Variants in MSH3 observed in about 807,000 individuals in gnomAD.
MSH3 encodes the protein DNA mismatch repair protein Msh3.
Under a neutral mutation model 123.3 loss-of-function variants are expected in MSH3, and 106 were observed. The observed-to-expected ratio is 0.86, with a 90% confidence interval of 0.73 to 1.01. The LOEUF (loss-of-function observed/expected upper bound fraction) is 1.01. Among genes scored for constraint, MSH3 ranks in the 50% least tolerant of loss-of-function variants. The probability of loss-of-function intolerance (pLI) is 0.00; values close to 1 mark genes in which losing one functional copy is unlikely to be tolerated. For missense variants in MSH3, 1,459 were observed against 1,347.6 expected (o/e 1.08, Z -1.29); for synonymous variants, 515 against 481.4 (o/e 1.07, Z -0.91).
intron 8 of MSH3, among the ~76,000 whole-genome samples, chr5:80,718,650 T>TG (rs1751012902): frequency 7.0e-6 from 1 of 143,642 alleles, no homozygotes. Flanking sequence ...AAAATTCAGG[T>TG]TTTTTTTTTT....
rs57338891 is a variant in MSH3, at chr5:80,723,094, A to AAAATAAATAAATAAAT, written c.1341-2335_1341-2320dup. Among the ~76,000 whole-genome samples the AAAATAAATAAATAAAT allele has an allele frequency of 5.9e-3, 846 of 144,482 alleles. 5 individuals are homozygous for AAAATAAATAAATAAAT. The highest frequency in any genetic ancestry group is 0.014 in the Middle Eastern group (4 of 284). The allele number at this position is 144,482 out of a possible 152,430, so 94.8% of individuals were successfully genotyped here. ...AGGCGACGGAGTGAAACTCTGTCTAAAAATAAATAAATAAATAAATAAATA... is the reference window on the plus strand; with the variant it reads ...AGGCGACGGAGTGAAACTCTGTCTAAAAATAAATAAATAAATAAATAAATAAATAAATAAATAAATA... On this transcript the variant is annotated intron_variant, in intron 8 of 23. Transcript: ENST00000265081.
At chr5:80,696,219 A>G (rs1275488171) in intron 8 of MSH3, among the ~76,000 whole-genome samples, 2 of 152,082 alleles carry the variant, frequency 1.3e-5, no homozygotes, top group African/African-American at 4.8e-5. Context: ...GCCTGATACC[A>G]TGGGGGTTAA....
chr5:80,725,337 G>A (rs1011099253), intron 8 of MSH3, 116 bp from the exon 9 acceptor site: 1 of 700,352 alleles, frequency 1.4e-6, no homozygotes, highest in South Asian at 1.7e-5. Context: ...TTCAACTTGG[G>A]AAAGAATAAG....
At chr5:80,856,884 C>T (rs1745929407) in intron 21 of MSH3, among the ~76,000 whole-genome samples, 1 of 41,556 alleles carries the variant, frequency 2.4e-5, no homozygotes, top group Non-Finnish European at 4.6e-5. Context: ...CTTTCTTCCC[C>T]ATCTATTTTT....
chr5:80,756,509 C>T lies in MSH3; in HGVS notation c.1764-5037C>T, dbSNP rs557879314. On this transcript the variant is annotated intron_variant, in intron 12 of 23. Coordinates refer to ENST00000265081, the MANE Select transcript of MSH3 (RefSeq NM_002439.5). ...TCAAACCTTCACCCTCCATTTTCCA[C>T]TAATCTTTTATAGACAATAGCTAAT... Among the ~76,000 whole-genome samples, 16 of 152,232 alleles carry T rather than the reference C, an allele frequency of 1.1e-4. 1 individual carries two copies. In the South Asian group the frequency reaches 3.3e-3, roughly 32 times the overall value.
At chr5:80,784,362 A>G (rs769122480) in intron 17 of MSH3, among the ~76,000 whole-genome samples, 10 of 152,128 alleles carry the variant, frequency 6.6e-5, no homozygotes, top group Admixed American at 2.0e-4. Context: ...AGTTAGGTCA[A>G]TGCAACATGT....
intron 9 of MSH3, 99 bp downstream of exon 9, chr5:80,725,664 A>G: frequency 1.2e-6 from 1 of 827,854 alleles, no homozygotes; most frequent in Non-Finnish European, 2.1e-6. Flanking sequence ...GGTAGTTATT[A>G]TAAATATGTG....
intron 18 of MSH3, among the ~76,000 whole-genome samples, chr5:80,791,995 AATG>A (rs1310540194): frequency 3.9e-5 from 6 of 152,152 alleles, no homozygotes; most frequent in African/African-American, 1.2e-4. Context: ...AAGGTCAAAA[AATG>A]ATTCTTGTAT....
At chr5:80,692,525 TAGATAAACATGTATATGTTTATATAGAG>T (rs1356004333) in intron 8 of MSH3, among the ~76,000 whole-genome samples, 24,674 of 100,008 alleles carry the variant, frequency 0.25, 3,639 homozygotes, top group Non-Finnish European at 0.27. Context: ...TATGTTTAGA[TAGATAAACATGTATATGTTTATATAGAG>T]AGATAAACAT....
chr5:80,861,024 G>C (rs568703416), intron 21 of MSH3, among the ~76,000 whole-genome samples: 3 of 151,992 alleles, frequency 2.0e-5, no homozygotes, highest in Non-Finnish European at 4.4e-5. Context: ...TTTTTTCTTA[G>C]AATATGCATC....
Position 80,769,003 on chromosome 5 carries a change from G to C in MSH3, c.2253G>C (p.Glu751Asp), listed in dbSNP as rs527397856. The C allele has an allele frequency of 1.2e-6, 2 of 1,611,662 alleles. No individual in the cohort carries two copies. Among genetic ancestry groups the C allele is most frequent in the South Asian group, 2.2e-5 (2 of 90,792 alleles). ...SAQYVTVSGQ[E>D]FMIEIKNSAV... The stretch of plus-strand genomic sequence containing the variant: ...AATATGTGACAGTATCAGGACAGGA[G>C]GTAATGTCAAGCTTACTTTTATTTT... Residue 751 changes from glutamate (E) to aspartate (D), a missense_variant and splice_region_variant, in exon 15 of 24, where the codon GAG (glutamate) becomes GAC (aspartate). Physicochemically the swap from Glu to Asp is conservative, Grantham distance 45. Transcript: ENST00000265081.
intron 20 of MSH3, among the ~76,000 whole-genome samples, chr5:80,817,036 G>A (rs1422550412): frequency 6.6e-6 from 1 of 152,124 alleles, no homozygotes; most frequent in African/African-American, 2.4e-5. Context: ...GATTGGGTGT[G>A]GATGAGATCA....
intron 20 of MSH3, among the ~76,000 whole-genome samples, chr5:80,828,323 C>CTTAATCCATTAATCCCCAAATGGA (rs1435141929): frequency 1.3e-5 from 2 of 152,116 alleles, no homozygotes; most frequent in East Asian, 3.9e-4. Flanking sequence ...TTCATTACCC[C>CTTAATCCATTAATCCCCAAATGGA]TTAATCCATT....
intron 9 of MSH3, among the ~76,000 whole-genome samples, chr5:80,727,609 T>C (rs1007570150): frequency 2.6e-5 from 4 of 152,218 alleles, no homozygotes; most frequent in Non-Finnish European, 5.9e-5. Flanking sequence ...CATACACATA[T>C]AGTTCTCTGT....
At position 80,753,672 on chromosome 5, in the gene MSH3, A is replaced by C. The variant is rs1156228984; in HGVS notation, c.1764-7874A>C. ...AAGTCTAATGGCTCTAATGTTGTGA[A>C]AGTTAATTTCTTCTTTTTTTTTCTT... On this transcript the variant is annotated intron_variant, in intron 12 of 23. Transcript: ENST00000265081. Among the ~76,000 whole-genome samples the C allele has an allele frequency of 2.0e-5, 3 of 152,154 alleles. No homozygotes were observed. In the East Asian group the frequency reaches 5.8e-4, roughly 29 times the overall value.
At chr5:80,672,423 G>A (rs1340061627) in intron 5 of MSH3, 63 bp downstream of exon 5, 10 of 1,264,196 alleles carry the variant, frequency 7.9e-6, no homozygotes, top group African/African-American at 2.9e-5. Context: ...GAGTGCAAAC[G>A]TGTTTTGTAA....
chr5:80,684,648 A>G (rs774134640), intron 8 of MSH3, among the ~76,000 whole-genome samples: 23 of 152,204 alleles, frequency 1.5e-4, no homozygotes, highest in Non-Finnish European at 3.1e-4. Context: ...CTCCTTTCCA[A>G]TTTGGATGCC....
chr5:80,784,642 G>A (rs555520345), intron 17 of MSH3, among the ~76,000 whole-genome samples: 1 of 152,140 alleles, frequency 6.6e-6, no homozygotes, highest in African/African-American at 2.4e-5. Context: ...CAAATAGTAG[G>A]TCTTATTCAT....
intron 19 of MSH3, among the ~76,000 whole-genome samples, chr5:80,796,293 A>AT (rs1319260238): frequency 6.6e-6 from 1 of 152,120 alleles, no homozygotes; most frequent in African/African-American, 2.4e-5. Flanking sequence ...CCTTCTGTCT[A>AT]ATTACAATAA....
Sources: allele counts gnomAD v4.1 joint callset (sites outside exome capture counted in the v4.1 genomes callset), GRCh38; gene constraint gnomAD v4.1.1; transcripts MANE v1.5; gene names NCBI Gene and HGNC (gene_info 2026-07-23, HGNC 2026-07-21).